The following ANO3 variants were observed in gnomAD, a reference collection of about 807,000 sequenced individuals.
The protein encoded by ANO3 is anoctamin 3, also known as anoctamin-3.
ANO3 carries 99 observed loss-of-function variants against 144.8 expected under a neutral mutation model. The ratio of observed to expected loss-of-function variants is 0.68; its 90% CI spans 0.58 to 0.81. The LOEUF (loss-of-function observed/expected upper bound fraction) is 0.81, where lower values mean the gene tolerates loss of function less well. ANO3 is among the 30% of genes least tolerant of loss of function. The pLI, the probability that ANO3 is intolerant of heterozygous loss-of-function variation, is 0.00. For missense variants in ANO3, 905 were observed against 1,202.2 expected, an observed-to-expected ratio of 0.75 and a Z score of 3.66; for synonymous variants, 414 against 392.6, an observed-to-expected ratio of 1.05 and a Z score of -0.64.
At chr11:26,530,463 A>G (rs112443123) in intron 7 of ANO3, among the ~76,000 whole-genome samples, 5,652 of 67,330 alleles carry the variant, frequency 0.084, 200 homozygotes, top group African/African-American at 0.17. Context: ...CTGTCTGTCT[A>G]TCTATCTATC....
intron 24 of ANO3, among the ~76,000 whole-genome samples, chr11:26,650,479 A>G (rs1378694282): frequency 1.3e-5 from 2 of 152,084 alleles, no homozygotes; most frequent in East Asian, 1.9e-4. Flanking sequence ...TGAAATTAAG[A>G]TATCATTTGC....
chr11:26,398,286 T>C (rs1857067912), intron 1 of ANO3, among the ~76,000 whole-genome samples: 2 of 151,992 alleles, frequency 1.3e-5, no homozygotes, highest in Admixed American at 6.6e-5. Context: ...TTTTTGCAGG[T>C]AATAATGAAC....
intron 17 of ANO3, among the ~76,000 whole-genome samples, chr11:26,621,767 T>C (rs1009626484): frequency 2.6e-5 from 4 of 152,196 alleles, no homozygotes; most frequent in African/African-American, 9.6e-5. Flanking sequence ...TTATAATGAA[T>C]ATATTAATTA....
intron 1 of ANO3, among the ~76,000 whole-genome samples, chr11:26,348,941 G>C (rs1855566353): frequency 6.6e-6 from 1 of 152,188 alleles, no homozygotes; most frequent in Non-Finnish European, 1.5e-5. Flanking sequence ...TTGGGAAAAG[G>C]TTGTGGTTGA....
chr11:26,197,858 A>C (rs1190401081), intron 1 of ANO3, among the ~76,000 whole-genome samples: 2 of 152,078 alleles, frequency 1.3e-5, no homozygotes, highest in Non-Finnish European at 2.9e-5. Context: ...TCCCTAATGA[A>C]TATAACATTT....
rs575012862 is a variant in ANO3, at chr11:26,557,448, G to A, written c.1387-2271G>A. Among the ~76,000 whole-genome samples, 14 of 143,294 alleles carry A rather than the reference G, an allele frequency of 9.8e-5. No homozygotes were observed. In the South Asian group the frequency reaches 2.3e-3, roughly 24 times the overall value. The allele number at this position is 143,294 out of a possible 152,430, so 94.0% of individuals were successfully genotyped here. ...TGCTCTCCAGCCTGGGCAACAGAGC[G>A]AGACTCTGTCTCAAAAAAAAAAAAA... On this transcript the variant is annotated intron_variant, in intron 13 of 26. Transcript: ENST00000256737.
rs116688288 is a variant in ANO3, at chr11:26,635,201, A to C, written c.2043+131A>C. The C allele has an allele frequency of 4.9e-3, 3,567 of 732,962 alleles. 82 individuals are homozygous for C. In the African/African-American group the frequency reaches 0.054, roughly 11 times the overall value. 45.4% of individuals were successfully genotyped at this position (732,962 alleles called of 1,614,324 possible). ...TATTGAAGACGACACATTGTTCAGAAAGGAAGCAACTACATCTTTTCAAAA... is the reference window on the plus strand; with the variant it reads ...TATTGAAGACGACACATTGTTCAGACAGGAAGCAACTACATCTTTTCAAAA... On this transcript the variant is annotated intron_variant, in intron 20 of 26. Transcript: ENST00000256737.
chr11:26,437,965 T>C (rs535798262), intron 1 of ANO3, among the ~76,000 whole-genome samples: 2 of 152,314 alleles, frequency 1.3e-5, no homozygotes, highest in African/African-American at 4.8e-5. Flanking sequence ...AATCCATTAA[T>C]GGAATTCAAC....
chr11:26,412,826 G>GTGTGTGTGTGTA lies in ANO3; in HGVS notation c.47-29089_47-29088insGTGTGTGTATGT, dbSNP rs1157559353. On this transcript the variant is annotated intron_variant, in intron 1 of 26. Transcript: ENST00000256737. ...TGTGTGTGTGTGTGTGTGTGTGTGT[G>GTGTGTGTGTGTA]TGTATGTATGCATTATTGGGTAAAG... Among the ~76,000 whole-genome samples, 111 of 151,326 alleles carry GTGTGTGTGTGTA rather than the reference G, an allele frequency of 7.3e-4. 1 individual carries two copies. The East Asian group carries it at 9.5e-3, about 13-fold the overall frequency.
At chr11:26,499,086 T>A (rs1861084949) in intron 4 of ANO3, among the ~76,000 whole-genome samples, 1 of 151,962 alleles carries the variant, frequency 6.6e-6, no homozygotes. Context: ...TCAGATAATG[T>A]CACATTTCTT....
At chr11:26,594,173 C>T (rs1345473691) in intron 14 of ANO3, among the ~76,000 whole-genome samples, 1 of 152,104 alleles carries the variant, frequency 6.6e-6, no homozygotes. Context: ...CCTAGTTTTC[C>T]TTAGTCCTTC....
chr11:26,422,597 A>G (rs1318074763), intron 1 of ANO3, among the ~76,000 whole-genome samples: 1 of 152,048 alleles, frequency 6.6e-6, no homozygotes, highest in Non-Finnish European at 1.5e-5. Context: ...ATGGGTTTAC[A>G]GGTTATTCTT....
chr11:26,470,411 C>A (rs1239120211), intron 4 of ANO3, among the ~76,000 whole-genome samples: 1 of 147,250 alleles, frequency 6.8e-6, no homozygotes, highest in Non-Finnish European at 1.5e-5. Context: ...GAGGGAGACC[C>A]TCTCAAAAAA....
intron 1 of ANO3, among the ~76,000 whole-genome samples, chr11:26,194,489 T>TGTGTG (rs772353732): frequency 4.8e-4 from 70 of 146,912 alleles, no homozygotes; most frequent in East Asian, 6.0e-4. Flanking sequence ...TGTGTGTGTA[T>TGTGTG]TATTTATTTA....
At chr11:26,522,459 A>G (rs12272187) in intron 6 of ANO3, among the ~76,000 whole-genome samples, 10,045 of 152,190 alleles carry the variant, frequency 0.066, 469 homozygotes, top group African/African-American at 0.13. Context: ...TCATTTACTT[A>G]TAATATGAAG....
chr11:26,228,176 G>A (rs1275803998), intron 1 of ANO3, among the ~76,000 whole-genome samples: 5 of 152,182 alleles, frequency 3.3e-5, no homozygotes, highest in Non-Finnish European at 5.9e-5. Context: ...TAAAGCTCGT[G>A]TTTTATTTTG....
At chr11:26,619,155 T>G (rs1852342490) in intron 17 of ANO3, among the ~76,000 whole-genome samples, 2 of 152,350 alleles carry the variant, frequency 1.3e-5, no homozygotes, top group African/African-American at 4.8e-5. Context: ...CTTAGCATCT[T>G]ACTGTATGTG....
rs1470446125 is a variant in ANO3 at position 26,660,791 on chromosome 11, T to TA, written c.*350dup. On this transcript the variant is annotated 3_prime_UTR_variant, in exon 27 of 27. Coordinates refer to ENST00000256737, the MANE Select transcript of ANO3 (RefSeq NM_031418.4). Reference sequence around the variant, plus strand: ...AGGTTTTGAAAGACAGATTTCCATGTAAATGTGCACAAGCCAGGCATGGCT... The same window carrying TA: ...AGGTTTTGAAAGACAGATTTCCATGTAAAATGTGCACAAGCCAGGCATGGCT... The TA allele has an allele frequency of 9.7e-6, 2 of 207,002 alleles. No homozygotes were observed. Among genetic ancestry groups the TA allele is most frequent in the Non-Finnish European group, 1.9e-5 (2 of 105,294 alleles). 12.8% of individuals were successfully genotyped at this position (207,002 alleles called of 1,614,324 possible). A position where few individuals can be genotyped will look rare whatever the true frequency, so the allele number is the denominator to read the frequency against.
chr11:26,553,878 C>G (rs919207801), intron 13 of ANO3, among the ~76,000 whole-genome samples: 1 of 152,014 alleles, frequency 6.6e-6, no homozygotes, highest in Non-Finnish European at 1.5e-5. Context: ...TTTCAATGTT[C>G]CTTCAAGTTT....
Sources: gnomAD v4.1 joint callset for allele counts (sites outside exome capture counted in the v4.1 genomes callset) on GRCh38, gnomAD v4.1.1 for gene constraint, MANE v1.5 for transcripts, NCBI Gene and HGNC (gene_info 2026-07-23, HGNC 2026-07-21) for gene names.